The following COL10A1 variants were observed in gnomAD, a reference collection of about 807,000 sequenced individuals.
COL10A1 encodes the protein collagen type X alpha 1 chain.
Under a neutral mutation model 18.2 loss-of-function variants are expected in COL10A1, and 10 were observed. The ratio of observed to expected loss-of-function variants is 0.55; its 90% CI spans 0.34 to 0.93. The LOEUF is 0.93. Ranked by LOEUF, COL10A1 falls within the 40% of genes least tolerant of loss-of-function variation. The probability of loss-of-function intolerance (pLI) is 0.02; values close to 1 mark genes in which losing one functional copy is unlikely to be tolerated. For missense variants in COL10A1, 897 were observed against 853.5 expected, an observed-to-expected ratio of 1.05 and a Z score of -0.64; for synonymous variants, 330 against 316.6, an observed-to-expected ratio of 1.04 and a Z score of -0.45.
At chr6:116,147,172 G>A (rs1012195058) in intron 1 of COL10A1, among the ~76,000 whole-genome samples, 4 of 151,786 alleles carry the variant, frequency 2.6e-5, no homozygotes, top group African/African-American at 9.7e-5. Context: ...CAGGCATGGT[G>A]GCTCACACCT....
At chr6:116,216,464 A>G in the COL10A1 span, among the ~76,000 whole-genome samples, 1 of 151,616 alleles carries the variant, frequency 6.6e-6, no homozygotes, top group Non-Finnish European at 1.5e-5. Flanking sequence ...TAGGGCCGGG[A>G]TATGCAAATT....
the COL10A1 span, among the ~76,000 whole-genome samples, chr6:116,215,967 C>G: frequency 2.0e-5 from 3 of 152,094 alleles, no homozygotes; most frequent in Non-Finnish European, 4.4e-5. Flanking sequence ...CTCATTTAAA[C>G]TGTTCGAATA....
chr6:116,126,262 C>T (rs1221183901), upstream of COL10A1: 4 of 152,232 alleles, frequency 2.6e-5, no homozygotes, highest in East Asian at 5.8e-4. Context: ...TGGGTAGGCA[C>T]ACAAGATCGG....
the COL10A1 span, among the ~76,000 whole-genome samples, chr6:116,210,640 G>T: frequency 1.3e-5 from 2 of 151,884 alleles, no homozygotes; most frequent in Non-Finnish European, 2.9e-5. Context: ...TTGGAACTGT[G>T]TTTGGCAAAA....
At chr6:116,144,104 C>T (rs560553012) in intron 1 of COL10A1, among the ~76,000 whole-genome samples, 1 of 152,146 alleles carries the variant, frequency 6.6e-6, no homozygotes. Context: ...TTGGTGGTGT[C>T]GGGTATTCTG....
chr6:116,121,830 AC>A lies in COL10A1; in HGVS notation c.285del (p.Leu96CysfsTer10), dbSNP rs1779140746. On this transcript the variant is annotated frameshift_variant, in exon 3 of 3. Coordinates refer to ENST00000651968, the MANE Select transcript of COL10A1 (RefSeq NM_000493.4). LOFTEE classifies it low-confidence loss of function (END_TRUNC). Reference sequence around the variant, plus strand: ...GCTGATGGTCCCGGTGGTCCTGGCAACCCTGGCTCTCCTTGGAGTCCAGGAC... The same window carrying A: ...GCTGATGGTCCCGGTGGTCCTGGCAACCTGGCTCTCCTTGGAGTCCAGGAC... ...YGSPGLQGEP[G>X]LPGPPGPSAV... 6.2e-7 allele frequency: 1 copy of A among 1,612,650 alleles called. No homozygotes were observed. Among genetic ancestry groups the A allele is most frequent in the Non-Finnish European group, 8.5e-7 (1 of 1,179,574 alleles).
chr6:116,148,258 G>C (rs1167310373), intron 1 of COL10A1, among the ~76,000 whole-genome samples: 1 of 152,118 alleles, frequency 6.6e-6, no homozygotes, highest in Non-Finnish European at 1.5e-5. Flanking sequence ...TTGTATGCCA[G>C]CCTTTACATT....
intron 2 of COL10A1, among the ~76,000 whole-genome samples, chr6:116,124,275 T>C (rs1294146708): frequency 6.6e-6 from 1 of 152,076 alleles, no homozygotes; most frequent in Non-Finnish European, 1.5e-5. Context: ...TTATTTACAG[T>C]ATAAAATATA....
the COL10A1 span, among the ~76,000 whole-genome samples, chr6:116,176,182 G>C: frequency 1.3e-4 from 20 of 152,168 alleles, no homozygotes; most frequent in Admixed American, 1.3e-3. Context: ...TCTAGTGCTA[G>C]AGTGTTGTTG....
At chr6:116,192,583 G>C in the COL10A1 span, among the ~76,000 whole-genome samples, 1 of 151,940 alleles carries the variant, frequency 6.6e-6, no homozygotes, top group African/African-American at 2.4e-5. Flanking sequence ...TTGATATAAA[G>C]TCAAAAATCA....
the COL10A1 span, among the ~76,000 whole-genome samples, chr6:116,199,584 G>GGA: frequency 2.0e-5 from 3 of 152,066 alleles, no homozygotes; most frequent in East Asian, 5.8e-4. Flanking sequence ...AGGGCTCCTT[G>GGA]GAGAAATCTC....
At chr6:116,123,989 A>G (rs1324152441) in intron 2 of COL10A1, among the ~76,000 whole-genome samples, 1 of 152,068 alleles carries the variant, frequency 6.6e-6, no homozygotes, top group African/African-American at 2.4e-5. Flanking sequence ...TAGCATTTCA[A>G]ATTGTGTTTG....
chr6:116,133,452 A>T (rs1359987935), intron 1 of COL10A1, among the ~76,000 whole-genome samples: 1 of 152,214 alleles, frequency 6.6e-6, no homozygotes, highest in Non-Finnish European at 1.5e-5. Context: ...CACAGTCACC[A>T]TCTATAGTGT....
the COL10A1 span, among the ~76,000 whole-genome samples, chr6:116,195,609 G>A: frequency 1.3e-5 from 2 of 151,936 alleles, no homozygotes; most frequent in South Asian, 2.1e-4. Context: ...TCCCTCAAAT[G>A]TACATAATCA....
chr6:116,197,080 G>A, the COL10A1 span, among the ~76,000 whole-genome samples: 1 of 151,698 alleles, frequency 6.6e-6, no homozygotes, highest in African/African-American at 2.4e-5. Context: ...AGAGGGTCAC[G>A]GGAAGCAGGA....
chr6:116,203,522 TCTCC>T, the COL10A1 span, among the ~76,000 whole-genome samples: 1 of 151,944 alleles, frequency 6.6e-6, no homozygotes, highest in Non-Finnish European at 1.5e-5. Flanking sequence ...TCCTATAATG[TCTCC>T]CTGTTACTGA....
the COL10A1 span, among the ~76,000 whole-genome samples, chr6:116,212,737 T>G: frequency 6.6e-6 from 1 of 152,144 alleles, no homozygotes; most frequent in Non-Finnish European, 1.5e-5. Context: ...CATTTTTTAC[T>G]GCTATAATCA....
chr6:116,145,156 C>G (rs1238190882), intron 1 of COL10A1, among the ~76,000 whole-genome samples: 2 of 152,138 alleles, frequency 1.3e-5, no homozygotes, highest in East Asian at 1.9e-4. Flanking sequence ...TCTTTAAACT[C>G]TCCTCCTCAC....
Position 116,120,564 on chromosome 6 carries a change from GA to G in COL10A1, c.1551del (p.Gln518LysfsTer9). 1.9e-6 allele frequency: 3 copies of G among 1,608,700 alleles called. No homozygotes were observed. The highest frequency in any genetic ancestry group is 2.5e-6 in the Non-Finnish European group (3 of 1,177,232). On this transcript the variant is annotated frameshift_variant, in exon 3 of 3. Coordinates refer to ENST00000651968, the MANE Select transcript of COL10A1 (RefSeq NM_000493.4). LOFTEE classifies it low-confidence loss of function (END_TRUNC). Reference protein sequence around the residue: ...PGPPGPPGPPGQAVMPEGFIK... With the variant: ...PGPPGPPGPPXQAVMPEGFIK... ...ATAAAACCCTCAGGCATGACTGCTT[GA>G]CCTGGTGGGCCTGGAGGCCCAGGGG...
Sources: allele counts gnomAD v4.1 joint callset (sites outside exome capture counted in the v4.1 genomes callset), GRCh38; gene constraint gnomAD v4.1.1; transcripts MANE v1.5; gene names NCBI Gene and HGNC (gene_info 2026-07-23, HGNC 2026-07-21).